The following SUSD1 variants were observed in gnomAD, a reference collection of about 807,000 sequenced individuals.
SUSD1 encodes sushi domain containing 1, also known as sushi domain-containing protein 1.
In SUSD1, 65 loss-of-function variants were observed where a neutral mutation model predicts 86.9. That is an observed-to-expected ratio of 0.75 (90% CI 0.61 to 0.92). SUSD1 has a LOEUF of 0.92. Ranked by LOEUF, SUSD1 falls within the 40% of genes least tolerant of loss-of-function variation. The probability of loss-of-function intolerance (pLI) is 0.00; values close to 1 mark genes in which losing one functional copy is unlikely to be tolerated. For synonymous variants in SUSD1, 346 were observed against 350.0 expected, an observed-to-expected ratio of 0.99 and a Z score of 0.13; for missense variants, 850 against 929.7, an observed-to-expected ratio of 0.91 and a Z score of 1.11.
chr9:112,045,687 T>C (rs1176758359), intron 15 of SUSD1, among the ~76,000 whole-genome samples: 1 of 152,240 alleles, frequency 6.6e-6, no homozygotes, highest in Admixed American at 6.5e-5. Context: ...GTTACCATCA[T>C]CTACACTTCT....
At chr9:112,094,035 C>A (rs761024732) in intron 10 of SUSD1, among the ~76,000 whole-genome samples, 4 of 152,098 alleles carry the variant, frequency 2.6e-5, no homozygotes, top group African/African-American at 4.8e-5. Flanking sequence ...AGCAATGCGA[C>A]TCAAAATGTG....
intron 15 of SUSD1, among the ~76,000 whole-genome samples, chr9:112,045,539 A>C (rs1198436651): frequency 7.4e-6 from 1 of 134,742 alleles, no homozygotes; most frequent in Non-Finnish European, 1.5e-5. Flanking sequence ...CTGACCAATT[A>C]CTGACTCTGT....
At chr9:112,081,983 A>G (rs1253729135) in intron 10 of SUSD1, among the ~76,000 whole-genome samples, 1 of 152,252 alleles carries the variant, frequency 6.6e-6, no homozygotes, top group Non-Finnish European at 1.5e-5. Context: ...AATAGGGTTT[A>G]TAAGAAACCA....
intron 8 of SUSD1, among the ~76,000 whole-genome samples, chr9:112,108,474 T>C (rs1196651563): frequency 6.6e-6 from 1 of 151,274 alleles, no homozygotes; most frequent in African/African-American, 2.4e-5. Context: ...CAGAACAATA[T>C]AACCAATTTA....
intron 1 of SUSD1, among the ~76,000 whole-genome samples, chr9:112,165,941 A>AGAAAGAAGAAAGAAAGAAAGGAAG (rs1564358109): frequency 1.3e-5 from 1 of 75,936 alleles, no homozygotes; most frequent in African/African-American, 4.9e-5. Flanking sequence ...AAAGAAAGAA[A>AGAAAGAAGAAAGAAAGAAAGGAAG]GAAGAAAGAA....
intron 1 of SUSD1, among the ~76,000 whole-genome samples, chr9:112,170,718 G>T (rs919987708): frequency 1.4e-4 from 18 of 128,408 alleles, no homozygotes; most frequent in South Asian, 7.1e-4. Context: ...TATAGAGAGA[G>T]AGAGAGAGAG....
chr9:112,117,407 G>A (rs1401413974), intron 6 of SUSD1, among the ~76,000 whole-genome samples: 1 of 152,202 alleles, frequency 6.6e-6, no homozygotes, highest in Non-Finnish European at 1.5e-5. Flanking sequence ...GGCCTCTCTG[G>A]CTTAAAAGAA....
chr9:112,060,364 C>G (rs182139900), intron 13 of SUSD1, among the ~76,000 whole-genome samples: 4 of 152,304 alleles, frequency 2.6e-5, no homozygotes, highest in African/African-American at 9.6e-5. Flanking sequence ...CAGGTTCAAG[C>G]GATTCTTCTG....
At chr9:112,118,776 C>T (rs1416680913) in intron 6 of SUSD1, among the ~76,000 whole-genome samples, 2 of 152,146 alleles carry the variant, frequency 1.3e-5, no homozygotes, top group Non-Finnish European at 2.9e-5. Context: ...TGAGCCACCG[C>T]GCCCAGCCAG....
chr9:112,086,102 C>T (rs1589632599), intron 10 of SUSD1, among the ~76,000 whole-genome samples: 1 of 151,450 alleles, frequency 6.6e-6, no homozygotes, highest in African/African-American at 2.4e-5. Flanking sequence ...CCAGGAGTTT[C>T]AGACCAGCCT....
Position 112,106,631 on chromosome 9 carries a change from A to G in SUSD1, c.1172-4346T>C, listed in dbSNP as rs779441207. On this transcript the variant is annotated intron_variant, in intron 8 of 16. Coordinates refer to ENST00000374270, the MANE Select transcript of SUSD1 (RefSeq NM_022486.5). ...TCGCTACCAAGGTTTCTATAAATCA[A>G]TATAAGAGTGAGCTCTTTGGAGAGA... Among the ~76,000 whole-genome samples the G allele has an allele frequency of 4.6e-5, 7 of 151,844 alleles. No individual in the cohort carries two copies. The East Asian group carries it at 7.7e-4, about 17-fold the overall frequency.
At chr9:112,057,365 A>G (rs1254272293) in intron 14 of SUSD1, among the ~76,000 whole-genome samples, 3 of 152,226 alleles carry the variant, frequency 2.0e-5, no homozygotes, top group Non-Finnish European at 4.4e-5. Context: ...CTAGGACAGT[A>G]GATCTCTGAA....
chr9:112,162,435 G>A (rs1462637598), intron 1 of SUSD1, among the ~76,000 whole-genome samples: 2 of 152,140 alleles, frequency 1.3e-5, no homozygotes, highest in African/African-American at 4.8e-5. Context: ...AGCTAAGGAA[G>A]CCTGTAAGAA....
chr9:112,172,041 C>T (rs916699089), intron 1 of SUSD1, among the ~76,000 whole-genome samples: 9 of 151,894 alleles, frequency 5.9e-5, no homozygotes, highest in African/African-American at 2.2e-4. Context: ...ACTAAAAATA[C>T]AAAAATTTGC....
intron 12 of SUSD1, among the ~76,000 whole-genome samples, chr9:112,072,140 C>CTTTTTTTTTTTTTTTTTTTTTTTT: frequency 1.7e-5 from 2 of 121,168 alleles, no homozygotes; most frequent in Non-Finnish European, 1.6e-5. Flanking sequence ...CTTTCTTTCT[C>CTTTTTTTTTTTTTTTTTTTTTTTT]TTTTTTTTTT....
chr9:112,101,377 A>C (rs1055909475), intron 9 of SUSD1, among the ~76,000 whole-genome samples: 2 of 152,070 alleles, frequency 1.3e-5, no homozygotes, highest in Non-Finnish European at 2.9e-5. Context: ...AGAAAAAAAA[A>C]TTTTTTTAAT....
chr9:112,157,078 C>A (rs1364580749), intron 2 of SUSD1, among the ~76,000 whole-genome samples: 1 of 152,092 alleles, frequency 6.6e-6, no homozygotes, highest in African/African-American at 2.4e-5. Context: ...GACATAAGAC[C>A]CAAAGCAACA....
chr9:112,062,113 T>C (rs569941332), intron 13 of SUSD1, among the ~76,000 whole-genome samples: 1 of 152,306 alleles, frequency 6.6e-6, no homozygotes, highest in Admixed American at 6.5e-5. Context: ...GTGTCTTGCC[T>C]GTAACTCAAT....
chr9:112,122,390 G>A (rs893752560), intron 6 of SUSD1, among the ~76,000 whole-genome samples: 21 of 151,936 alleles, frequency 1.4e-4, no homozygotes, highest in African/African-American at 5.1e-4. Flanking sequence ...GAACTCCTGG[G>A]CTCAAGCAAT....
Sources: gnomAD v4.1 joint callset for allele counts (sites outside exome capture counted in the v4.1 genomes callset) on GRCh38, gnomAD v4.1.1 for gene constraint, MANE v1.5 for transcripts, NCBI Gene and HGNC (gene_info 2026-07-23, HGNC 2026-07-21) for gene names.